The following FGF13 variants were observed in gnomAD, a reference collection of about 807,000 sequenced individuals.
FGF13 encodes the protein fibroblast growth factor 13.
Under a neutral mutation model 19.5 loss-of-function variants are expected in FGF13, and 2 were observed. The observed-to-expected ratio is 0.10, with a 90% CI of 0.04 to 0.32. The LOEUF (loss-of-function observed/expected upper bound fraction) is 0.32, where lower values mean the gene tolerates loss of function less well. Among genes scored for constraint, FGF13 ranks in the 10% least tolerant of loss-of-function variants. FGF13 has a pLI of 1.00. For missense variants in FGF13, 113 were observed against 192.7 expected, an observed-to-expected ratio of 0.59 and a Z score of 2.45; for synonymous variants, 72 against 76.9, an observed-to-expected ratio of 0.94 and a Z score of 0.33.
At chrX:139,164,898 G>A (rs2084068636) in intron 1 of FGF13, among the ~76,000 whole-genome samples, 1 of 109,415 alleles carries the variant, frequency 9.1e-6, no homozygotes, top group African/African-American at 3.3e-5. Context: ...AAGAATGGTT[G>A]CCAAACTGAA....
chrX:138,894,972 T>C (rs943242952), intron 1 of FGF13, among the ~76,000 whole-genome samples: 1 of 111,742 alleles, frequency 8.9e-6, no homozygotes, highest in African/African-American at 3.3e-5. Context: ...CATGATCGAG[T>C]GGGCTTCTTC....
At chrX:139,017,656 G>A (rs901614955) in intron 1 of FGF13, among the ~76,000 whole-genome samples, 24 of 111,264 alleles carry the variant, frequency 2.2e-4, no homozygotes, top group Admixed American at 2.9e-4. Context: ...TTATCATACA[G>A]AATGTCTCCA....
intron 1 of FGF13, among the ~76,000 whole-genome samples, chrX:139,017,429 A>C (rs771375196): frequency 1.8e-5 from 2 of 109,168 alleles, no homozygotes; most frequent in South Asian, 7.8e-4. Flanking sequence ...AGTGTGTGTA[A>C]ATACACATGA....
Position 138,670,709 on chromosome X carries a change from G to A in FGF13, c.402+32275C>T, listed in dbSNP as rs781298914. 6.3e-5 allele frequency among the ~76,000 whole-genome samples: 7 copies of A among 111,192 alleles called. No individual in the cohort carries two copies. The South Asian group carries it at 2.6e-3, about 42-fold the overall frequency. ...TTGGGGTGATGTTTTATTTCTTTTTGTTTCAGTATAAAATAAAAACTAGAG... is the reference window on the plus strand; with the variant it reads ...TTGGGGTGATGTTTTATTTCTTTTTATTTCAGTATAAAATAAAAACTAGAG... On this transcript the variant is annotated intron_variant, in intron 3 of 4. Transcript: ENST00000315930.
chrX:138,682,158 T>C (rs2089735439), intron 3 of FGF13, among the ~76,000 whole-genome samples: 2 of 112,460 alleles, frequency 1.8e-5, no homozygotes, highest in South Asian at 7.3e-4. Context: ...TACATGCTTA[T>C]GGTGGCTATA....
At chrX:138,922,095 A>G (rs1293780328) in intron 1 of FGF13, among the ~76,000 whole-genome samples, 1 of 110,271 alleles carries the variant, frequency 9.1e-6, no homozygotes, top group Non-Finnish European at 1.9e-5. Context: ...CTATGCTCCA[A>G]ATAAATCTCT....
At chrX:139,146,148 A>G (rs1350524052) in intron 1 of FGF13, among the ~76,000 whole-genome samples, 3 of 112,008 alleles carry the variant, frequency 2.7e-5, no homozygotes, top group Non-Finnish European at 5.6e-5. Context: ...GAGCTTCTGC[A>G]CAGCAAAAGA....
chrX:138,892,756 G>T (rs1266407724), intron 1 of FGF13, among the ~76,000 whole-genome samples: 1 of 110,404 alleles, frequency 9.1e-6, no homozygotes, highest in Non-Finnish European at 1.9e-5. Flanking sequence ...GCCAGGAAGA[G>T]GAGATGGGGG....
chrX:139,147,378 G>A (rs1273741312), intron 1 of FGF13, among the ~76,000 whole-genome samples: 1 of 110,612 alleles, frequency 9.0e-6, no homozygotes, highest in Non-Finnish European at 1.9e-5. Context: ...CTACACTTAA[G>A]CCACCTATAA....
intron 3 of FGF13, among the ~76,000 whole-genome samples, chrX:138,680,741 T>C (rs1018183656): frequency 1.8e-5 from 2 of 111,496 alleles, no homozygotes; most frequent in Admixed American, 9.6e-5. Flanking sequence ...TAAATGAGCA[T>C]TGGCTGCAGC....
At chrX:139,118,272 G>GT (rs1478762372) in intron 1 of FGF13, among the ~76,000 whole-genome samples, 10 of 112,041 alleles carry the variant, frequency 8.9e-5, no homozygotes, top group Admixed American at 1.9e-4. Context: ...CGAAAATATT[G>GT]TAAGTCAAAA....
At chrX:138,869,620 C>T (rs2091347466) in intron 1 of FGF13, among the ~76,000 whole-genome samples, 1 of 112,321 alleles carries the variant, frequency 8.9e-6, no homozygotes, top group African/African-American at 3.2e-5. Flanking sequence ...CGGTCAACAC[C>T]TCCAGGAAAT....
chrX:139,136,667 C>T (rs1333198297), intron 1 of FGF13, among the ~76,000 whole-genome samples: 1 of 111,850 alleles, frequency 8.9e-6, no homozygotes, highest in East Asian at 2.8e-4. Flanking sequence ...AGTAAAGTCA[C>T]GTAAAACATG....
chrX:138,914,139 C>A (rs182968550), intron 1 of FGF13, among the ~76,000 whole-genome samples: 1 of 108,968 alleles, frequency 9.2e-6, no homozygotes, highest in Non-Finnish European at 1.9e-5. Flanking sequence ...ACGCTCAAGG[C>A]TCCTACTGAG....
At position 138,982,813 on chromosome X, in the gene FGF13, A is replaced by C. The variant is rs890736926; in HGVS notation, c.-112-118163T>G. ...CAAATAACATTCTTCTTTGACCCTC[A>C]ATTTCTCCATCTCTAAAATGGGATT... On this transcript the variant is annotated intron_variant, in intron 1 of 2. Coordinates refer to the FGF13 transcript ENST00000421460. Among the ~76,000 whole-genome samples the C allele has an allele frequency of 2.7e-5, 3 of 112,012 alleles. No individual in the cohort carries two copies. In the Admixed American group the frequency reaches 2.8e-4, roughly 11 times the overall value.
In FGF13 at chrX:138,907,533, T is replaced by C. The variant is rs186232887; in HGVS notation, c.-112-42883A>G. Among the ~76,000 whole-genome samples, 138 of 111,405 alleles carry C rather than the reference T, an allele frequency of 1.2e-3. 1 individual carries two copies. Among genetic ancestry groups the C allele is most frequent in the Admixed American group, 3.9e-3 (41 of 10,513 alleles). Reference sequence around the variant, plus strand: ...GACATTAACAGGACTGTAGGAAGCATCCCATGTGGCCTTTTCATTTTCTGC... The same window carrying C: ...GACATTAACAGGACTGTAGGAAGCACCCCATGTGGCCTTTTCATTTTCTGC... On this transcript the variant is annotated intron_variant, in intron 1 of 2. Coordinates refer to the FGF13 transcript ENST00000421460.
chrX:139,166,690 C>A (rs1241963153), intron 1 of FGF13, among the ~76,000 whole-genome samples: 1 of 111,057 alleles, frequency 9.0e-6, no homozygotes, highest in Non-Finnish European at 1.9e-5. Flanking sequence ...GTCATGAGGG[C>A]CTTACAGATG....
chrX:139,158,791 G>C (rs2084002073), intron 1 of FGF13, among the ~76,000 whole-genome samples: 2 of 111,124 alleles, frequency 1.8e-5, no homozygotes, highest in African/African-American at 6.5e-5. Context: ...AGAATGAAAA[G>C]GAACAAACAA....
chrX:138,818,425 T>C (rs1259657762), intron 3 of FGF13, among the ~76,000 whole-genome samples: 1 of 108,295 alleles, frequency 9.2e-6, no homozygotes, highest in Non-Finnish European at 1.9e-5. Flanking sequence ...CAATTGGTCC[T>C]GGCACCTCCT....
Sources: allele counts gnomAD v4.1 joint callset (sites outside exome capture counted in the v4.1 genomes callset), GRCh38; gene constraint gnomAD v4.1.1; transcripts MANE v1.5; gene names NCBI Gene and HGNC (gene_info 2026-07-23, HGNC 2026-07-21).